ADGRV1: variants seen among roughly 807,000 people sequenced by gnomAD.
ADGRV1 encodes the protein adhesion G protein-coupled receptor V1.
ADGRV1 carries 359 observed loss-of-function variants against 596.2 expected under a neutral mutation model. The observed-to-expected ratio is 0.60, with a 90% CI of 0.55 to 0.66. The LOEUF is 0.66. Ranked by LOEUF, ADGRV1 falls within the 30% of genes least tolerant of loss-of-function variation. The probability of loss-of-function intolerance (pLI) is 0.00; values close to 1 mark genes in which losing one functional copy is unlikely to be tolerated. For synonymous variants in ADGRV1, 2,681 were observed against 2,679.2 expected, an observed-to-expected ratio of 1.00 and a Z score of -0.02; for missense variants, 7,274 against 7,575.6, an observed-to-expected ratio of 0.96 and a Z score of 1.48.
chr5:91,053,859 C>T (rs1786572997), intron 85 of ADGRV1, among the ~76,000 whole-genome samples: 1 of 152,198 alleles, frequency 6.6e-6, no homozygotes, highest in African/African-American at 2.4e-5. Context: ...TCTTATTCAT[C>T]ACTGTATGTC....
At position 90,706,242 on chromosome 5, in the gene ADGRV1, G is replaced by A; in HGVS notation, c.8578G>A (p.Val2860Ile). 1 of 1,607,682 alleles carries A rather than the reference G, an allele frequency of 6.2e-7. No homozygotes were observed. The highest frequency in any genetic ancestry group is 8.5e-7 in the Non-Finnish European group (1 of 1,178,002). ...REFGSLGAIN[V>I]TYTTVPGMLS... ...ACCTATTCAATTAGGAGCTATCAAT[G>A]TCACATATACCACGGTTCCTGGAAT... is the stretch of plus-strand genomic sequence containing the variant. The change falls in exon 38 of 90, where the codon GTC (valine) becomes ATC (isoleucine). Residue 2860 changes from valine to isoleucine, a missense_variant. Transcript: ENST00000405460.
intron 89 of ADGRV1, among the ~76,000 whole-genome samples, chr5:91,154,920 T>C (rs1562289724): frequency 1.3e-5 from 2 of 152,132 alleles, no homozygotes; most frequent in African/African-American, 4.8e-5. Context: ...GTGGAGAATG[T>C]GGGGCTAGAA....
chr5:90,637,653 C>T lies in ADGRV1; in HGVS notation c.2017-72C>T. The T allele has an allele frequency of 2.8e-6, 3 of 1,075,136 alleles. 1 individual carries two copies. The South Asian group carries it at 5.4e-5, about 19-fold the overall frequency. 66.6% of individuals were successfully genotyped at this position (1,075,136 alleles called of 1,614,324 possible). On this transcript the variant is annotated intron_variant, in intron 10 of 89. Coordinates refer to ENST00000405460, the MANE Select transcript of ADGRV1 (RefSeq NM_032119.4). ...CAGTAATATATGTACAAACTAATAT[C>T]AATACCAAAGCTTATATAATTTCTG...
intron 1 of ADGRV1, among the ~76,000 whole-genome samples, chr5:90,598,327 C>T (rs986187635): frequency 2.6e-5 from 4 of 152,212 alleles, no homozygotes; most frequent in Admixed American, 1.3e-4. Flanking sequence ...ACATGGCTTT[C>T]CTTTAAGCTC....
In ADGRV1 at chr5:91,164,110, C is replaced by T. The variant is rs1797178871; in HGVS notation, c.*210C>T. 1 of 656,026 alleles carries T rather than the reference C, an allele frequency of 1.5e-6. No homozygotes were observed. The highest frequency in any genetic ancestry group is 2.8e-6 in the Non-Finnish European group (1 of 357,638). The allele number at this position is 656,026 out of a possible 1,614,324, so 40.6% of individuals were successfully genotyped here. A position where few individuals can be genotyped will look rare whatever the true frequency, so the allele number is the denominator to read the frequency against. On this transcript the variant is annotated 3_prime_UTR_variant, in exon 90 of 90. Coordinates refer to ENST00000405460, the MANE Select transcript of ADGRV1 (RefSeq NM_032119.4). ...TAAGAAAGGTGGAGTCAGTTTGTAT[C>T]AGTTAATAGGATGTTCATATTCCAA...
intron 17 of ADGRV1, among the ~76,000 whole-genome samples, chr5:90,651,007 C>G (rs1329322811): frequency 6.6e-6 from 1 of 152,160 alleles, no homozygotes; most frequent in African/African-American, 2.4e-5. Flanking sequence ...TAGGCAATAA[C>G]AGTGCCAATA....
intron 50 of ADGRV1, among the ~76,000 whole-genome samples, chr5:90,730,108 C>T (rs1292498142): frequency 5.3e-5 from 8 of 152,112 alleles, no homozygotes; most frequent in African/African-American, 1.4e-4. Context: ...CCTTGTGATC[C>T]GCCCACCCAA....
At chr5:90,723,607 A>T (rs2149789367) in intron 45 of ADGRV1, among the ~76,000 whole-genome samples, 1 of 152,350 alleles carries the variant, frequency 6.6e-6, no homozygotes, top group East Asian at 1.9e-4. Flanking sequence ...ACTCTAAATG[A>T]AAAATCTGCA....
At chr5:91,123,946 T>G (rs1258697603) in intron 87 of ADGRV1, among the ~76,000 whole-genome samples, 1 of 152,030 alleles carries the variant, frequency 6.6e-6, no homozygotes, top group Non-Finnish European at 1.5e-5. Context: ...TTATGTAGCA[T>G]GTTAGAAGAT....
At chr5:91,097,303 A>G (rs1790958702) in intron 86 of ADGRV1, among the ~76,000 whole-genome samples, 1 of 152,294 alleles carries the variant, frequency 6.6e-6, no homozygotes, top group South Asian at 2.1e-4. Context: ...AATCCCATTC[A>G]TGAGGGCTCT....
intron 76 of ADGRV1, among the ~76,000 whole-genome samples, chr5:90,824,769 GTTGAC>G (rs1303261934): frequency 6.6e-6 from 1 of 152,184 alleles, no homozygotes; most frequent in Non-Finnish European, 1.5e-5. Context: ...CAGTTAAACA[GTTGAC>G]TTCCTACTGC....
chr5:91,007,441 C>T (rs540461460), intron 85 of ADGRV1, among the ~76,000 whole-genome samples: 1 of 152,292 alleles, frequency 6.6e-6, no homozygotes, highest in Non-Finnish European at 1.5e-5. Flanking sequence ...CTACTCCATC[C>T]TGCTACTGCC....
chr5:91,045,358 TA>T (rs1785711323), intron 85 of ADGRV1, among the ~76,000 whole-genome samples: 2 of 152,192 alleles, frequency 1.3e-5, no homozygotes, highest in Admixed American at 1.3e-4. Context: ...GTAGGTTTCA[TA>T]CCAGGCATGC....
At chr5:90,832,704 G>A (rs970470935) in intron 77 of ADGRV1, among the ~76,000 whole-genome samples, 2 of 152,130 alleles carry the variant, frequency 1.3e-5, no homozygotes, top group African/African-American at 2.4e-5. Flanking sequence ...ACATTTTCTT[G>A]TAGTAGTTTC....
At chr5:91,125,925 C>G (rs1793710443) in intron 87 of ADGRV1, among the ~76,000 whole-genome samples, 1 of 152,194 alleles carries the variant, frequency 6.6e-6, no homozygotes, top group Non-Finnish European at 1.5e-5. Flanking sequence ...GTTCTGTTTT[C>G]CTTTTTAAAT....
intron 53 of ADGRV1, among the ~76,000 whole-genome samples, chr5:90,752,987 G>A (rs971477092): frequency 6.6e-6 from 1 of 151,080 alleles, no homozygotes; most frequent in Non-Finnish European, 1.5e-5. Context: ...GTGAAAAATG[G>A]CATTCAAGAA....
At chr5:90,638,010 GA>G (rs1766447801) in intron 11 of ADGRV1, 62 bp downstream of exon 11, 6 of 1,178,952 alleles carry the variant, frequency 5.1e-6, no homozygotes, top group African/African-American at 1.6e-5. Context: ...CAATAACTTT[GA>G]TTTTTTTTTT....
chr5:90,755,298 C>T (rs1444216902), intron 55 of ADGRV1, 113 bp downstream of exon 55: 1 of 684,198 alleles, frequency 1.5e-6, no homozygotes, highest in Non-Finnish European at 2.4e-6. Context: ...TTCTTTTAAA[C>T]ATAAAAATGT....
At chr5:90,832,378 C>T (rs1436751323) in intron 77 of ADGRV1, among the ~76,000 whole-genome samples, 1 of 152,098 alleles carries the variant, frequency 6.6e-6, no homozygotes, top group African/African-American at 2.4e-5. Context: ...TTTCTTATCC[C>T]TATTTACCAT....
Sources: allele counts gnomAD v4.1 joint callset (sites outside exome capture counted in the v4.1 genomes callset), GRCh38; gene constraint gnomAD v4.1.1; transcripts MANE v1.5; gene names NCBI Gene and HGNC (gene_info 2026-07-23, HGNC 2026-07-21).